HECW2: variants seen among roughly 807,000 people sequenced by gnomAD.
The protein encoded by HECW2 is E3 ubiquitin-protein ligase HECW2.
Under a neutral mutation model 175.2 loss-of-function variants are expected in HECW2, and 61 were observed. The ratio of observed to expected loss-of-function variants is 0.35; its 90% CI spans 0.28 to 0.43. HECW2 has a LOEUF of 0.43. HECW2 is among the 20% of genes least tolerant of loss of function. HECW2 has a pLI of 1.00. For synonymous variants in HECW2, 671 were observed against 731.0 expected, an observed-to-expected ratio of 0.92 and a Z score of 1.32; for missense variants, 1,524 against 2,000.5, an observed-to-expected ratio of 0.76 and a Z score of 4.54.
chr2:196,323,908 G>GT lies in HECW2; in HGVS notation c.741+1071dup, dbSNP rs1227754141. On this transcript the variant is annotated intron_variant, in intron 6 of 28. Coordinates refer to ENST00000644978, the MANE Select transcript of HECW2 (RefSeq NM_001348768.2). ...TGGCATGCCCTTAAGAGTTTTTTTT[G>GT]TTTTTTGTTTGTTTTTTTTTTTTTT... is the stretch of plus-strand genomic sequence containing the variant. Among the ~76,000 whole-genome samples, 32 of 63,220 alleles carry GT rather than the reference G, an allele frequency of 5.1e-4. 1 individual carries two copies. The highest frequency in any genetic ancestry group is 9.9e-4 in the South Asian group (2 of 2,026). The allele number at this position is 63,220 out of a possible 152,430, so 41.5% of individuals were successfully genotyped here. A position where few individuals can be genotyped will look rare whatever the true frequency, so the allele number is the denominator to read the frequency against.
At chr2:196,276,009 G>A (rs180890228) in intron 15 of HECW2, among the ~76,000 whole-genome samples, 66 of 152,262 alleles carry the variant, frequency 4.3e-4, no homozygotes, top group African/African-American at 1.5e-3. Context: ...ATTCTCTGGG[G>A]AGATCTGATC....
Position 196,306,516 on chromosome 2 carries a change from T to C in HECW2, c.2786A>G (p.Glu929Gly). Reference sequence around the variant, plus strand: ...GTTAGAATGCAGCACGGTGAAGAACTCTGGGCTGATGAGGAACTTCACGGG... The same window carrying C: ...GTTAGAATGCAGCACGGTGAAGAACCCTGGGCTGATGAGGAACTTCACGGG... ...SPPVKFLISP[E>G]FFTVLHSNPS... Residue 929 changes from glutamate to glycine, a missense_variant, in exon 13 of 29, where the codon GAG becomes GGG. Around this residue, in one of 11 missense-constraint regions of HECW2, gnomAD observed 105 missense variants for 98.1 expected, o/e 1.07. Coordinates refer to ENST00000644978, the MANE Select transcript of HECW2 (RefSeq NM_001348768.2). 2 of 1,611,854 alleles carry C rather than the reference T, an allele frequency of 1.2e-6. No homozygotes were observed.
At chr2:196,513,500 AC>A (rs1282449588) in intron 1 of HECW2, among the ~76,000 whole-genome samples, 1 of 152,180 alleles carries the variant, frequency 6.6e-6, no homozygotes, top group Non-Finnish European at 1.5e-5. Context: ...ACAGAGTGAG[AC>A]CCTGTCTCAA....
intron 19 of HECW2, among the ~76,000 whole-genome samples, chr2:196,253,366 T>C (rs1201503767): frequency 6.6e-6 from 1 of 152,198 alleles, no homozygotes; most frequent in African/African-American, 2.4e-5. Context: ...CATTTGCTCA[T>C]CCACCCATTC....
At chr2:196,306,447 C>G in intron 13 of HECW2, 41 bp downstream of exon 13, 2 of 1,566,246 alleles carry the variant, frequency 1.3e-6, no homozygotes, top group Non-Finnish European at 1.7e-6. Flanking sequence ...TTTGCTTTGG[C>G]CTGCTGTTTT....
rs754194826 is a variant in HECW2 at position 196,217,081 on chromosome 2, T to C, written c.4421A>G (p.Asn1474Ser). The C allele has an allele frequency of 6.3e-7, 1 of 1,584,864 alleles. No individual in the cohort carries two copies. Among genetic ancestry groups the C allele is most frequent in the Non-Finnish European group, 8.6e-7 (1 of 1,168,966 alleles). Residue 1474 changes from asparagine (N) to serine (S), a missense_variant, in exon 27 of 29, where the codon AAT becomes AGT. Asn to Ser is a conservative substitution (Grantham distance 46, BLOSUM62 1). Coordinates refer to ENST00000644978, the MANE Select transcript of HECW2 (RefSeq NM_001348768.2). Reference sequence around the variant, plus strand: ...CCAGAACCACCGAATTACAATATGATTGTCATGGTATCCTATCAAACCAAT... The same window carrying C: ...CCAGAACCACCGAATTACAATATGACTGTCATGGTATCCTATCAAACCAAT... ...NTEYRGGYHD[N>S]HIVIRWFWAA...
chr2:196,567,339 T>A (rs968144687), intron 1 of HECW2, among the ~76,000 whole-genome samples: 1 of 152,212 alleles, frequency 6.6e-6, no homozygotes, highest in Non-Finnish European at 1.5e-5. Context: ...TTTGGAGAAG[T>A]GCCTATTATA....
Position 196,500,442 on chromosome 2 carries a change from G to A in HECW2, c.-35-66984C>T, listed in dbSNP as rs139203704. 2.9e-3 allele frequency among the ~76,000 whole-genome samples: 436 copies of A among 152,180 alleles called. 1 individual carries two copies. Among genetic ancestry groups the A allele is most frequent in the African/African-American group, 9.9e-3 (412 of 41,518 alleles). Reference sequence around the variant, plus strand: ...AGGATGTGAGCAGTTCAAATAATCTGCATAGAAACAATTCCCACTGCTAGA... The same window carrying A: ...AGGATGTGAGCAGTTCAAATAATCTACATAGAAACAATTCCCACTGCTAGA... On this transcript the variant is annotated intron_variant, in intron 1 of 28. Transcript: ENST00000644978.
intron 1 of HECW2, among the ~76,000 whole-genome samples, chr2:196,539,037 C>A (rs1689115302): frequency 6.6e-6 from 1 of 152,158 alleles, no homozygotes; most frequent in Admixed American, 6.5e-5. Context: ...TTTTTTAGTC[C>A]TAAAAGTAAG....
intron 2 of HECW2, among the ~76,000 whole-genome samples, chr2:196,367,315 G>A (rs887920588): frequency 6.6e-6 from 1 of 152,154 alleles, no homozygotes; most frequent in Non-Finnish European, 1.5e-5. Context: ...AGTAGGTATA[G>A]GATGGGTCTT....
At chr2:196,508,381 GA>G (rs1291901805) in intron 1 of HECW2, among the ~76,000 whole-genome samples, 1 of 152,100 alleles carries the variant, frequency 6.6e-6, no homozygotes. Context: ...ATACAAATTG[GA>G]AAACAAAACC....
intron 23 of HECW2, among the ~76,000 whole-genome samples, chr2:196,225,107 G>A (rs1466457400): frequency 1.3e-5 from 2 of 152,184 alleles, no homozygotes; most frequent in Non-Finnish European, 2.9e-5. Flanking sequence ...GTTGTCTTCT[G>A]TTCAGCCTTG....
chr2:196,592,693 G>A (rs966693220), intron 1 of HECW2: 2 of 152,310 alleles, frequency 1.3e-5, no homozygotes, highest in African/African-American at 4.8e-5. Flanking sequence ...GCAAATGAAT[G>A]ACCGCGCCGG....
At chr2:196,564,885 G>A (rs1049092885) in intron 1 of HECW2, among the ~76,000 whole-genome samples, 3 of 150,368 alleles carry the variant, frequency 2.0e-5, no homozygotes, top group African/African-American at 7.3e-5. Context: ...TCAAATAAAA[G>A]CCTAATGAGC....
intron 1 of HECW2, among the ~76,000 whole-genome samples, chr2:196,525,466 A>G (rs74936210): frequency 1.3e-5 from 2 of 149,798 alleles, no homozygotes; most frequent in Non-Finnish European, 3.0e-5. Context: ...TGGATAATTT[A>G]GTCCATTTAC....
intron 1 of HECW2, among the ~76,000 whole-genome samples, chr2:196,469,110 T>C (rs1234568466): frequency 2.7e-5 from 3 of 111,628 alleles, no homozygotes; most frequent in Non-Finnish European, 3.7e-5. Flanking sequence ...CCTGTGTGTG[T>C]GTGTGTGTGC....
At position 196,273,049 on chromosome 2, in the gene HECW2, ATTTTTTTTTTTTTTTTT is replaced by A. The variant is rs778348590; in HGVS notation, c.3238+955_3238+971del. 5.2e-3 allele frequency among the ~76,000 whole-genome samples: 585 copies of A among 113,088 alleles called. 7 individuals are homozygous for A. Among genetic ancestry groups the A allele is most frequent in the South Asian group, 0.019 (68 of 3,562 alleles). 74.2% of individuals were successfully genotyped at this position (113,088 alleles called of 152,430 possible). A position where few individuals can be genotyped will look rare whatever the true frequency, so the allele number is the denominator to read the frequency against. ...CAAAGATAAATGGAGAGCTGGTCTA[ATTTTTTTTTTTTTTTTT>A]TTTTTTTTTTTTTTTTTTTTGAGAT... On this transcript the variant is annotated intron_variant, in intron 16 of 28. Transcript: ENST00000644978.
intron 1 of HECW2, among the ~76,000 whole-genome samples, chr2:196,528,669 G>A (rs900023676): frequency 1.3e-5 from 2 of 152,186 alleles, no homozygotes; most frequent in Non-Finnish European, 2.9e-5. Flanking sequence ...GCACATCACT[G>A]TTTCATTGTT....
At position 196,433,290 on chromosome 2, in the gene HECW2, C is replaced by T. The variant is rs1695770992; in HGVS notation, c.134G>A (p.Arg45Gln). The T allele has an allele frequency of 2.5e-6, 4 of 1,614,000 alleles. No homozygotes were observed. Among genetic ancestry groups the T allele is most frequent in the Non-Finnish European group, 3.4e-6 (4 of 1,179,994 alleles). Residue 45 changes from arginine (R) to glutamine (Q), a missense_variant, in exon 2 of 29, where the codon CGG becomes CAG. Transcript: ENST00000644978. ...CACCAGGTCGGTGTCGCTGTTGGCCCGCTGCAGGGTCATGTTCTCTGGCAT... is the reference window on the plus strand; with the variant it reads ...CACCAGGTCGGTGTCGCTGTTGGCCTGCTGCAGGGTCATGTTCTCTGGCAT... Reference protein sequence around the residue: ...SSMPENMTLQRANSDTDLVTS... With the variant: ...SSMPENMTLQQANSDTDLVTS...
Sources: allele counts gnomAD v4.1 joint callset (sites outside exome capture counted in the v4.1 genomes callset), GRCh38; gene constraint gnomAD v4.1.1; regional missense constraint gnomAD v4.1.1; transcripts MANE v1.5; gene names NCBI Gene and HGNC (gene_info 2026-07-23, HGNC 2026-07-21).